Variants in CFH observed in about 807,000 individuals in gnomAD.
CFH encodes the protein complement factor H.
A neutral mutation model predicts 147.3 loss-of-function variants in CFH; 53 were observed. That is an observed-to-expected ratio of 0.36 (90% CI 0.29 to 0.45). The LOEUF (loss-of-function observed/expected upper bound fraction) is 0.45. Ranked by LOEUF, CFH falls within the 20% of genes least tolerant of loss-of-function variation. The pLI, the probability that CFH is intolerant of heterozygous loss-of-function variation, is 1.00. For synonymous variants in CFH, 536 were observed against 489.4 expected (o/e 1.10, Z -1.26); for missense variants, 1,380 against 1,498.0 (o/e 0.92, Z 1.30).
At chr1:196,670,591 T>C (rs1667243600) in intron 1 of CFH, among the ~76,000 whole-genome samples, 1 of 152,160 alleles carries the variant, frequency 6.6e-6, no homozygotes, top group African/African-American at 2.4e-5. Context: ...TTCCTTCCCC[T>C]TCCACCATGA....
intron 9 of CFH, chr1:196,692,334 C>T: frequency 4.5e-6 from 3 of 670,580 alleles, no homozygotes; most frequent in Non-Finnish European, 3.7e-6. Context: ...TCTCATCATT[C>T]AGTGTCAGAT....
intron 1 of CFH, among the ~76,000 whole-genome samples, chr1:196,671,617 C>T (rs1012464051): frequency 2.0e-5 from 3 of 150,388 alleles, no homozygotes; most frequent in Non-Finnish European, 4.4e-5. Flanking sequence ...CACACACACA[C>T]ACACACACAG....
At chr1:196,717,098 G>C (rs1221642191) in intron 11 of CFH, among the ~76,000 whole-genome samples, 2 of 151,900 alleles carry the variant, frequency 1.3e-5, no homozygotes, top group Non-Finnish European at 2.9e-5. Flanking sequence ...AGAGAAACAG[G>C]AGAAAAAATC....
chr1:196,707,372 A>G (rs1369165689), intron 9 of CFH, among the ~76,000 whole-genome samples: 1 of 152,216 alleles, frequency 6.6e-6, no homozygotes, highest in Non-Finnish European at 1.5e-5. Flanking sequence ...ATATTATCAA[A>G]TATACACAAT....
chr1:196,652,260 A>T, intron 1 of CFH, 85 bp downstream of exon 1: 1 of 1,085,284 alleles, frequency 9.2e-7, no homozygotes, highest in Non-Finnish European at 1.4e-6. Flanking sequence ...TAAAAATTTG[A>T]TTTAGAAAAT....
chr1:196,728,136 C>T (rs1176506280), intron 14 of CFH, among the ~76,000 whole-genome samples: 1 of 152,038 alleles, frequency 6.6e-6, no homozygotes, highest in African/African-American at 2.4e-5. Context: ...ATAGGTATCT[C>T]TAACATTTCA....
At chr1:196,710,410 T>G (rs1403424884) in intron 9 of CFH, among the ~76,000 whole-genome samples, 1 of 152,202 alleles carries the variant, frequency 6.6e-6, no homozygotes, top group Non-Finnish European at 1.5e-5. Context: ...ATAGGATCGA[T>G]CCATGCATGT....
intron 1 of CFH, among the ~76,000 whole-genome samples, chr1:196,655,919 A>T (rs1206840392): frequency 6.6e-6 from 1 of 152,256 alleles, no homozygotes; most frequent in Admixed American, 6.5e-5. Context: ...AAGAAAAAAC[A>T]TTTGACAGAA....
chr1:196,714,143 GA>G (rs1019257501), intron 10 of CFH, among the ~76,000 whole-genome samples: 15 of 151,924 alleles, frequency 9.9e-5, no homozygotes, highest in African/African-American at 3.1e-4. Context: ...CTGTGTTACA[GA>G]AACAAGTTAG....
chr1:196,711,118 A>T (rs149480507), intron 9 of CFH, among the ~76,000 whole-genome samples: 1 of 152,102 alleles, frequency 6.6e-6, no homozygotes, highest in Non-Finnish European at 1.5e-5. Context: ...AATTATAGAG[A>T]TCTAAAATAA....
chr1:196,738,017 C>T (rs1372271228), intron 17 of CFH, among the ~76,000 whole-genome samples: 4 of 152,024 alleles, frequency 2.6e-5, no homozygotes, highest in Non-Finnish European at 2.9e-5. Flanking sequence ...AGGAAACTTA[C>T]AATCATGGTG....
chr1:196,742,273 G>A (rs1652834264), intron 19 of CFH, among the ~76,000 whole-genome samples: 2 of 152,176 alleles, frequency 1.3e-5, no homozygotes, highest in South Asian at 4.1e-4. Context: ...CTACTTGGGA[G>A]ACTGAGGCAG....
rs746858289 is a variant in CFH, at chr1:196,673,945, G to A, written c.333G>A (p.Val111=). The A allele has an allele frequency of 6.2e-7, 1 of 1,611,082 alleles. No homozygotes were observed. Among genetic ancestry groups the A allele is most frequent in the Non-Finnish European group, 8.5e-7 (1 of 1,177,654 alleles). The stretch of plus-strand genomic sequence containing the variant: ...TGTTTGAATATGGTGTAAAAGCTGT[G>A]TATACATGTAATGAGGGGTATGTAG... ...GNVFEYGVKA[V]YTCNEGYQLL... Residue 111 remains valine, a synonymous_variant, in exon 3 of 22, where the codon GTG becomes GTA. Transcript: ENST00000367429.
At chr1:196,719,487 TG>T (rs1384142960) in intron 11 of CFH, among the ~76,000 whole-genome samples, 2 of 151,946 alleles carry the variant, frequency 1.3e-5, no homozygotes, top group Non-Finnish European at 2.9e-5. Flanking sequence ...AGCAAATTTT[TG>T]TAGTTATTAT....
At chr1:196,711,615 G>C (rs1022205934) in intron 9 of CFH, among the ~76,000 whole-genome samples, 14 of 151,562 alleles carry the variant, frequency 9.2e-5, no homozygotes, top group African/African-American at 3.4e-4. Flanking sequence ...TTCTTTCAAG[G>C]CTTATTTTTA....
chr1:196,701,507 T>G (rs1246553463), intron 9 of CFH: 1 of 926,750 alleles, frequency 1.1e-6, no homozygotes, highest in African/African-American at 1.6e-5. Flanking sequence ...ATTCAGCTCC[T>G]CCAGGCAGCC....
At position 196,736,955 on chromosome 1, in the gene CFH, G is replaced by A; in HGVS notation, c.2545G>A (p.Glu849Lys). 6.2e-7 allele frequency: 1 copy of A among 1,612,062 alleles called. No homozygotes were observed. The highest frequency in any genetic ancestry group is 8.5e-7 in the Non-Finnish European group (1 of 1,178,690). Residue 849 changes from glutamate to lysine, a missense_variant, in exon 16 of 22, where the codon GAA becomes AAA. By Grantham distance (56) the Glu-to-Lys change is moderately conservative. Transcript: ENST00000367429. The stretch of plus-strand genomic sequence containing the variant: ...AGAAAATTATCTAATTCAGGAAGGA[G>A]AAGAAATTACATGCAAAGATGGAAG... ...CQENYLIQEG[E>K]EITCKDGRWQ...
At position 196,698,647 on chromosome 1, in the gene CFH, C is replaced by T. The variant is rs146718921; in HGVS notation, c.1336+8408C>T. 1.4e-3 allele frequency among the ~76,000 whole-genome samples: 209 copies of T among 152,244 alleles called. 1 individual carries two copies. The highest frequency in any genetic ancestry group is 4.8e-3 in the African/African-American group (201 of 41,554). On this transcript the variant is annotated intron_variant, in intron 9 of 21. Coordinates refer to ENST00000367429, the MANE Select transcript of CFH (RefSeq NM_000186.4). ...TTACAGCCAAATTCTACCAGAGGTA[C>T]TAAGAGGAGTTGGTACCATTCCTTT...
intron 19 of CFH, among the ~76,000 whole-genome samples, chr1:196,742,641 T>C (rs1377792755): frequency 6.6e-6 from 1 of 152,082 alleles, no homozygotes; most frequent in Non-Finnish European, 1.5e-5. Flanking sequence ...GAAATGAAAA[T>C]AAAATTCCGT....
Sources: allele counts gnomAD v4.1 joint callset (sites outside exome capture counted in the v4.1 genomes callset), GRCh38; gene constraint gnomAD v4.1.1; transcripts MANE v1.5; gene names NCBI Gene and HGNC (gene_info 2026-07-23, HGNC 2026-07-21).